Variants in UNC13A observed in about 807,000 individuals in gnomAD.
The protein encoded by UNC13A is unc-13 homolog A.
In UNC13A, 61 loss-of-function variants were observed where a neutral mutation model predicts 219.7. The observed-to-expected ratio is 0.28, with a 90% CI of 0.23 to 0.34. The LOEUF is 0.34. Among genes scored for constraint, UNC13A ranks in the 10% least tolerant of loss-of-function variants. The probability of loss-of-function intolerance (pLI) is 1.00; values close to 1 mark genes in which losing one functional copy is unlikely to be tolerated. For synonymous variants in UNC13A, 920 were observed against 884.6 expected, an observed-to-expected ratio of 1.04 and a Z score of -0.71; for missense variants, 1,476 against 2,270.3, an observed-to-expected ratio of 0.65 and a Z score of 7.11.
Position 17,605,967 on chromosome 19 carries a change from G to A in UNC13A, c.*87C>T, listed in dbSNP as rs2076520426. The A allele has an allele frequency of 7.9e-7, 1 of 1,263,970 alleles. No individual in the cohort carries two copies. The highest frequency in any genetic ancestry group is 1.6e-5 in the African/African-American group (1 of 62,904). The allele number at this position is 1,263,970 out of a possible 1,614,324, so 78.3% of individuals were successfully genotyped here. On this transcript the variant is annotated 3_prime_UTR_variant, in exon 44 of 44. Coordinates refer to ENST00000519716, the MANE Select transcript of UNC13A (RefSeq NM_001080421.3). ...GTGGAGCCCCCCGAGCCCCGCCCCT[G>A]GGGAGGTCCCACCAAGGCGCAAGCC...
In UNC13A at chr19:17,656,085, G is replaced by A. The variant is rs751169135; in HGVS notation, c.1081C>T (p.Arg361Cys). ...GGCTCAGCCACAGCTACGTCTTCAC[G>A]CTGGGCATAGCTGCCCAAATCGTCA... ...VPDDLGSYAQREDVAVAEPKD... is the reference protein window; with the variant it reads ...VPDDLGSYAQCEDVAVAEPKD... Residue 361 changes from arginine (R) to cysteine (C), a missense_variant, in exon 10 of 44, where the codon CGT becomes TGT. Physicochemically the swap from Arg to Cys is radical, Grantham distance 180 (BLOSUM62 -3). This residue lies in a region of UNC13A where 351 missense variants were observed against 342.6 expected (regional missense o/e 1.02). Coordinates refer to ENST00000519716, the MANE Select transcript of UNC13A (RefSeq NM_001080421.3). 7 of 1,552,972 alleles carry A rather than the reference G, an allele frequency of 4.5e-6. No homozygotes were observed. The African/African-American group carries it at 5.5e-5, about 12-fold the overall frequency.
intron 19 of UNC13A, among the ~76,000 whole-genome samples, chr19:17,644,409 G>A (rs961814133): frequency 1.3e-5 from 2 of 150,568 alleles, no homozygotes; most frequent in South Asian, 4.2e-4. Flanking sequence ...GGCTGGTCTC[G>A]AACTCCTGGG....
intron 41 of UNC13A, among the ~76,000 whole-genome samples, chr19:17,613,279 T>C (rs2076623867): frequency 6.6e-6 from 1 of 151,392 alleles, no homozygotes; most frequent in Admixed American, 6.6e-5. Context: ...TGGTGATGCA[T>C]GCACCTGTAG....
intron 36 of UNC13A, 89 bp downstream of exon 36, chr19:17,623,453 G>A: frequency 9.9e-7 from 1 of 1,015,166 alleles, no homozygotes; most frequent in African/African-American, 1.6e-5. Context: ...GGCGCTGGGT[G>A]GGTGGGGAGA....
chr19:17,616,520 A>T, intron 41 of UNC13A: 1 of 640,694 alleles, frequency 1.6e-6, no homozygotes, highest in Non-Finnish European at 2.9e-6. Flanking sequence ...GGGAGCGGGG[A>T]GAGACGAGCC....
Position 17,649,042 on chromosome 19 carries a change from G to T in UNC13A, c.1525-59C>A. 2 of 1,516,574 alleles carry T rather than the reference G, an allele frequency of 1.3e-6. No individual in the cohort carries two copies. Among genetic ancestry groups the T allele is most frequent in the African/African-American group, 2.8e-5 (2 of 71,804 alleles). The allele number at this position is 1,516,574 out of a possible 1,614,324, so 93.9% of individuals were successfully genotyped here. On this transcript the variant is annotated intron_variant, in intron 14 of 43. Coordinates refer to ENST00000519716, the MANE Select transcript of UNC13A (RefSeq NM_001080421.3). This position sits in a 1 kb window ranked among gnomAD's most constrained non-coding sequence, Gnocchi z 4.4. Reference sequence around the variant, plus strand: ...TTGACATCCATGAGATCACCACCAGGAGAGTTCACAGCCACGGATGGGGCC... The same window carrying T: ...TTGACATCCATGAGATCACCACCAGTAGAGTTCACAGCCACGGATGGGGCC...
At position 17,627,847 on chromosome 19, in the gene UNC13A, C is replaced by T. The variant is rs1283978889; in HGVS notation, c.3831+16G>A. Reference sequence around the variant, plus strand: ...TGCCCCATCCCTTCTCCAGCCCTGCCTCGGCCCTGCCTCACCTCCTTTCCT... The same window carrying T: ...TGCCCCATCCCTTCTCCAGCCCTGCTTCGGCCCTGCCTCACCTCCTTTCCT... On this transcript the variant is annotated intron_variant, in intron 32 of 43. Coordinates refer to ENST00000519716, the MANE Select transcript of UNC13A (RefSeq NM_001080421.3). The surrounding 1 kb of genome is among the most constrained non-coding windows in gnomAD (Gnocchi z 4.7). 4 of 1,589,370 alleles carry T rather than the reference C, an allele frequency of 2.5e-6. No individual in the cohort carries two copies. The highest frequency in any genetic ancestry group is 2.2e-5 in the South Asian group (2 of 88,954).
rs113681016 is a variant in UNC13A, at chr19:17,639,306, T to G, written c.2947-89A>C. 8.1e-5 allele frequency: 129 copies of G among 1,586,608 alleles called. No individual in the cohort carries two copies. The African/African-American group carries it at 1.5e-3, about 19-fold the overall frequency. ...GCGAGTCATTTTGGGTTTAAGGAAATGAAGTGGTATGAAAGGAAAAGGTTA... is the reference window on the plus strand; with the variant it reads ...GCGAGTCATTTTGGGTTTAAGGAAAGGAAGTGGTATGAAAGGAAAAGGTTA... On this transcript the variant is annotated intron_variant, in intron 24 of 43. Coordinates refer to ENST00000519716, the MANE Select transcript of UNC13A (RefSeq NM_001080421.3).
chr19:17,609,888 G>A (rs1319852306), intron 43 of UNC13A, 52 bp downstream of exon 43: 6 of 1,604,708 alleles, frequency 3.7e-6, no homozygotes, highest in African/African-American at 1.3e-5. Context: ...GGGTTCACCT[G>A]GCGGATGCCC....
rs1399766071 is a variant in UNC13A at position 17,656,325 on chromosome 19, C to T, written c.841G>A (p.Asp281Asn). The change falls in exon 10 of 44, where the codon GAC (aspartate) becomes AAC (asparagine). Residue 281 changes from aspartate to asparagine, a missense_variant. By Grantham distance (23) the Asp-to-Asn change is conservative. Transcript: ENST00000519716. ...QGSSQLSEDFDPDEHSLQGSD... is the reference protein window; with the variant it reads ...QGSSQLSEDFNPDEHSLQGSD... ...CCCTGCAGGCTGTGCTCGTCAGGGT[C>T]GAAGTCCTCGCTCAGCTGAGAGCTT... 6 of 1,557,766 alleles carry T rather than the reference C, an allele frequency of 3.9e-6. No homozygotes were observed. In the South Asian group the frequency reaches 4.7e-5, roughly 12 times the overall value.
At chr19:17,609,565 T>G (rs903217890) in intron 43 of UNC13A, among the ~76,000 whole-genome samples, 1 of 151,764 alleles carries the variant, frequency 6.6e-6, no homozygotes, top group Non-Finnish European at 1.5e-5. Flanking sequence ...CCCCCGCTCA[T>G]AAGCGTCATC....
At chr19:17,638,468 AAAAT>A (rs1431310821) in intron 25 of UNC13A, among the ~76,000 whole-genome samples, 1 of 151,146 alleles carries the variant, frequency 6.6e-6, no homozygotes, top group African/African-American at 2.4e-5. Flanking sequence ...ACCCCATCTC[AAAAT>A]AAATAAATAA....
intron 26 of UNC13A, among the ~76,000 whole-genome samples, chr19:17,635,518 T>C (rs186492200): frequency 2.6e-5 from 4 of 152,300 alleles, no homozygotes; most frequent in Admixed American, 2.6e-4. Flanking sequence ...CCCATATTCA[T>C]ACACAATACA....
intron 39 of UNC13A, 136 bp from the exon 40 acceptor site, chr19:17,618,637 T>G: frequency 1.1e-6 from 1 of 901,422 alleles, no homozygotes. Flanking sequence ...GCACCCAATA[T>G]GTGACTGGTA....
chr19:17,627,986 C>G lies in UNC13A; in HGVS notation c.3754-46G>C. On this transcript the variant is annotated intron_variant, in intron 31 of 43. Coordinates refer to ENST00000519716, the MANE Select transcript of UNC13A (RefSeq NM_001080421.3). The surrounding 1 kb of genome is among the most constrained non-coding windows in gnomAD (Gnocchi z 4.7). ...GGGAGTCAAGCCTCAGGACCTCTCC[C>G]CAGAGCCTCCCCTACCCACCGCCAG... 3.9e-6 allele frequency: 6 copies of G among 1,537,054 alleles called. No individual in the cohort carries two copies. Among genetic ancestry groups the G allele is most frequent in the Non-Finnish European group, 4.4e-6 (5 of 1,128,598 alleles).
chr19:17,631,147 CTTGTTTT>C (rs2076842769), intron 28 of UNC13A, among the ~76,000 whole-genome samples: 872 of 111,812 alleles, frequency 7.8e-3, no homozygotes, highest in Middle Eastern at 0.018. Context: ...TCTCTGAGCT[CTTGTTTT>C]CTCCCTCCCT....
chr19:17,626,138 T>TATCCAACCATTTATCCATCCATCC (rs1391644913), intron 34 of UNC13A: 1 of 150,602 alleles, frequency 6.6e-6, no homozygotes, highest in East Asian at 2.0e-4. Context: ...TTTATCCACA[T>TATCCAACCATTTATCCATCCATCC]ATCCAACCAT....
At chr19:17,659,192 C>T (rs2145874571) in intron 8 of UNC13A, among the ~76,000 whole-genome samples, 1 of 152,240 alleles carries the variant, frequency 6.6e-6, no homozygotes, top group Admixed American at 6.5e-5. Flanking sequence ...CCTGTAATCC[C>T]AGCACTTTGG....
chr19:17,650,650 G>A (rs1395755669), intron 12 of UNC13A, among the ~76,000 whole-genome samples: 1 of 151,282 alleles, frequency 6.6e-6, no homozygotes, highest in African/African-American at 2.4e-5. Flanking sequence ...GCTAATTTTT[G>A]TATTTTTAGT....
Sources: gnomAD v4.1 joint callset for allele counts (sites outside exome capture counted in the v4.1 genomes callset) on GRCh38, gnomAD v4.1.1 for gene constraint, gnomAD v4.1.1 regional missense constraint, Gnocchi (gnomAD v3.1) non-coding constraint, MANE v1.5 for transcripts, NCBI Gene and HGNC (gene_info 2026-07-23, HGNC 2026-07-21) for gene names.